The following BACE2 variants were observed in gnomAD, a reference collection of about 807,000 sequenced individuals.
BACE2 encodes the protein beta-secretase 2.
Under a neutral mutation model 46.2 loss-of-function variants are expected in BACE2, and 17 were observed. The ratio of observed to expected loss-of-function variants is 0.37; its 90% CI spans 0.25 to 0.55. BACE2 has a LOEUF of 0.55. Among genes scored for constraint, BACE2 ranks in the 20% least tolerant of loss-of-function variants. BACE2 has a pLI of 0.82. For missense variants in BACE2, 595 were observed against 698.1 expected, an observed-to-expected ratio of 0.85 and a Z score of 1.66; for synonymous variants, 277 against 295.9, an observed-to-expected ratio of 0.94 and a Z score of 0.66.
intron 1 of BACE2, among the ~76,000 whole-genome samples, chr21:41,219,825 G>A (rs1333639419): frequency 2.0e-5 from 3 of 152,296 alleles, no homozygotes; most frequent in South Asian, 2.1e-4. Flanking sequence ...GAAGACTTCC[G>A]GGACCAAATG....
In BACE2 at chr21:41,168,225, C is replaced by G. The variant is rs1189437579; in HGVS notation, c.-39C>G. The G allele has an allele frequency of 9.1e-7, 1 of 1,102,480 alleles. No individual in the cohort carries two copies. The allele number at this position is 1,102,480 out of a possible 1,614,324, so 68.3% of individuals were successfully genotyped here. ...CCGCGGCTGCCGGACGGGACGGGAC[C>G]GGCTAGGCTGGGCGCGCCCCCCGGG... On this transcript the variant is annotated 5_prime_UTR_variant, in exon 1 of 9. Transcript: ENST00000330333.
chr21:41,214,911 A>C (rs1215752753), intron 1 of BACE2, among the ~76,000 whole-genome samples: 1 of 151,750 alleles, frequency 6.6e-6, no homozygotes, highest in Non-Finnish European at 1.5e-5. Context: ...ACACCATGTA[A>C]AGTTAGAGGA....
chr21:41,182,753 T>A (rs972831347), intron 1 of BACE2: 10 of 167,132 alleles, frequency 6.0e-5, no homozygotes, highest in African/African-American at 2.4e-4. Context: ...CTGAATTTCC[T>A]GACATGTTCT....
chr21:41,181,695 CA>C (rs1407555572), intron 1 of BACE2: 7 of 166,960 alleles, frequency 4.2e-5, no homozygotes, highest in East Asian at 3.9e-4. Context: ...CAGCAGGGTC[CA>C]GGGGGGATCC....
intron 1 of BACE2, among the ~76,000 whole-genome samples, chr21:41,172,295 C>T (rs1414250985): frequency 6.6e-6 from 1 of 152,194 alleles, no homozygotes; most frequent in Non-Finnish European, 1.5e-5. Context: ...CTTGAAACAA[C>T]AAGGAGGGAC....
chr21:41,210,000 T>C (rs7510366), intron 1 of BACE2, among the ~76,000 whole-genome samples: 140,946 of 151,968 alleles, frequency 0.93, 65,851 homozygotes, highest in African/African-American at 0.99. Flanking sequence ...AGGTCCCCCT[T>C]CCCCCTAACC....
intron 5 of BACE2, among the ~76,000 whole-genome samples, chr21:41,244,006 A>G (rs1199433779): frequency 2.0e-5 from 3 of 152,322 alleles, no homozygotes; most frequent in African/African-American, 7.2e-5. Flanking sequence ...GTGGCTTGGT[A>G]GTGCTAAAGT....
chr21:41,168,564 C>T lies in BACE2; in HGVS notation c.301C>T (p.Pro101Ser). The T allele has an allele frequency of 7.5e-7, 1 of 1,326,632 alleles. No homozygotes were observed. Among genetic ancestry groups the T allele is most frequent in the Non-Finnish European group, 9.7e-7 (1 of 1,030,630 alleles). 82.2% of individuals were successfully genotyped at this position (1,326,632 alleles called of 1,614,324 possible). A position where few individuals can be genotyped will look rare whatever the true frequency, so the allele number is the denominator to read the frequency against. The change falls in exon 1 of 9, where the codon CCC (proline) becomes TCC (serine). Residue 101 changes from proline (P) to serine (S), a missense_variant. By Grantham distance (74) the Pro-to-Ser change is moderately conservative (BLOSUM62 -1). Transcript: ENST00000330333. ...GYYLEMLIGTPPQKLQILVDT... is the reference protein window; with the variant it reads ...GYYLEMLIGTSPQKLQILVDT... ...CTACCTGGAGATGCTGATCGGGACC[C>T]CCCCGCAGAAGGTAGGGACCCCCGG...
At chr21:41,236,777 C>T (rs1161307213) in intron 2 of BACE2, 1 of 152,270 alleles carries the variant, frequency 6.6e-6, no homozygotes, top group Non-Finnish European at 1.5e-5. Flanking sequence ...CTACCCGTGT[C>T]ACACAGCAGC....
At chr21:41,251,529 G>A (rs771078636) in intron 7 of BACE2, among the ~76,000 whole-genome samples, 12 of 152,198 alleles carry the variant, frequency 7.9e-5, no homozygotes, top group South Asian at 2.1e-4. Context: ...GGCTGGGTGC[G>A]GTGGCTCACG....
intron 8 of BACE2, among the ~76,000 whole-genome samples, chr21:41,273,044 G>T (rs900941453): frequency 1.3e-5 from 2 of 152,164 alleles, no homozygotes; most frequent in Non-Finnish European, 2.9e-5. Flanking sequence ...CGGCAGGTTC[G>T]TGATGCCCCC....
intron 1 of BACE2, among the ~76,000 whole-genome samples, chr21:41,191,532 G>A (rs147804992): frequency 1.2e-3 from 190 of 152,296 alleles, no homozygotes; most frequent in African/African-American, 4.4e-3. Flanking sequence ...TGATGGAAGA[G>A]TTCCAATATA....
intron 2 of BACE2, among the ~76,000 whole-genome samples, chr21:41,235,403 A>G (rs1362999891): frequency 1.3e-5 from 2 of 152,246 alleles, no homozygotes; most frequent in Non-Finnish European, 2.9e-5. Flanking sequence ...GCTGTTATAC[A>G]TAAAACATCA....
intron 1 of BACE2, chr21:41,179,553 G>A (rs769168683): frequency 7.3e-7 from 1 of 1,366,818 alleles, no homozygotes; most frequent in Non-Finnish European, 9.8e-7. Context: ...GTCAGGGTGA[G>A]TGAGGGTGTC....
intron 2 of BACE2, among the ~76,000 whole-genome samples, chr21:41,231,880 G>A (rs1025507627): frequency 2.0e-5 from 3 of 152,040 alleles, no homozygotes; most frequent in African/African-American, 7.2e-5. Context: ...GAAGATGAAG[G>A]CATGTTTTTC....
chr21:41,179,915 G>C, intron 1 of BACE2: 1 of 373,740 alleles, frequency 2.7e-6, no homozygotes, highest in South Asian at 2.1e-5. Flanking sequence ...TAAGATTGAA[G>C]CATAGCCCGG....
intron 1 of BACE2, chr21:41,177,940 C>G (rs138103229): frequency 2.8e-4 from 42 of 152,340 alleles, no homozygotes; most frequent in African/African-American, 9.9e-4. Context: ...AGACCTGGCT[C>G]CATGGATCTC....
intron 1 of BACE2, among the ~76,000 whole-genome samples, chr21:41,170,407 C>G (rs528508597): frequency 2.6e-5 from 4 of 152,266 alleles, no homozygotes; most frequent in African/African-American, 9.6e-5. Flanking sequence ...CCAGGGAGCG[C>G]TGCTTCTACA....
At chr21:41,257,131 G>A in intron 7 of BACE2, 27 bp from the exon 8 acceptor site, 1 of 1,613,346 alleles carries the variant, frequency 6.2e-7, no homozygotes, top group Non-Finnish European at 8.5e-7. Context: ...TTTCTTGTTT[G>A]TTTGCTCTCT....
Sources: gnomAD v4.1 joint callset for allele counts (sites outside exome capture counted in the v4.1 genomes callset) on GRCh38, gnomAD v4.1.1 for gene constraint, MANE v1.5 for transcripts, NCBI Gene and HGNC (gene_info 2026-07-23, HGNC 2026-07-21) for gene names.